KIAA0319L: variants seen among roughly 807,000 people sequenced by gnomAD.
The protein encoded by KIAA0319L is dyslexia-associated protein KIAA0319-like protein.
KIAA0319L carries 55 observed loss-of-function variants against 120.1 expected under a neutral mutation model. The ratio of observed to expected loss-of-function variants is 0.46; its 90% CI spans 0.37 to 0.57. The LOEUF (loss-of-function observed/expected upper bound fraction) is 0.57. KIAA0319L is among the 20% of genes least tolerant of loss of function. The pLI, the probability that KIAA0319L is intolerant of heterozygous loss-of-function variation, is 0.00. For missense variants in KIAA0319L, 1,049 were observed against 1,255.3 expected (o/e 0.84, Z 2.48); for synonymous variants, 398 against 471.9 (o/e 0.84, Z 2.03).
At chr1:35,479,908 G>GA (rs754129720) in intron 3 of KIAA0319L, among the ~76,000 whole-genome samples, 20 of 8,134 alleles carry the variant, frequency 2.5e-3, no homozygotes, top group Admixed American at 7.2e-3. Flanking sequence ...GTCTCAAAAA[G>GA]AAAAAAAAAA....
intron 2 of KIAA0319L, among the ~76,000 whole-genome samples, chr1:35,508,226 G>A (rs1645280371): frequency 6.6e-6 from 1 of 152,212 alleles, no homozygotes; most frequent in Non-Finnish European, 1.5e-5. Context: ...TTTAAATTCT[G>A]TGTTCTGGGC....
chr1:35,477,955 T>C (rs1643974320), intron 4 of KIAA0319L, among the ~76,000 whole-genome samples: 2 of 152,206 alleles, frequency 1.3e-5, no homozygotes, highest in African/African-American at 4.8e-5. Context: ...TGCACTCCCA[T>C]GTTTGCAGCA....
intron 2 of KIAA0319L, among the ~76,000 whole-genome samples, chr1:35,520,266 A>T (rs530124099): frequency 6.6e-6 from 1 of 151,562 alleles, no homozygotes; most frequent in South Asian, 2.1e-4. Flanking sequence ...CGCCTGGCTA[A>T]TTTTTGTATT....
At chr1:35,518,881 G>A (rs1334448821) in intron 2 of KIAA0319L, among the ~76,000 whole-genome samples, 2 of 150,152 alleles carry the variant, frequency 1.3e-5, no homozygotes, top group African/African-American at 4.9e-5. Flanking sequence ...GTGGGCACCT[G>A]TAATCCCAGC....
rs745744875 is a variant in KIAA0319L, at chr1:35,449,896, G to A, written c.2324C>T (p.Thr775Ile). Reference sequence around the variant, plus strand: ...TTTCACCTCCACAGTGGTCCGGTCTGTGTCACTCTCACCCTTTGCATCGGT... The same window carrying A: ...TTTCACCTCCACAGTGGTCCGGTCTATGTCACTCTCACCCTTTGCATCGGT... ...KVTDAKGESD[T>I]DRTTVEVKPD... is the part of the protein sequence containing the mutation. Residue 775 changes from threonine (T) to isoleucine (I), a missense_variant, in exon 15 of 21, where the codon ACA becomes ATA. Coordinates refer to ENST00000325722, the MANE Select transcript of KIAA0319L (RefSeq NM_024874.5). 6.8e-6 allele frequency: 11 copies of A among 1,614,062 alleles called. No individual in the cohort carries two copies. The Admixed American group carries it at 1.8e-4, about 27-fold the overall frequency.
chr1:35,494,571 G>A (rs1644725834), intron 3 of KIAA0319L, among the ~76,000 whole-genome samples: 1 of 151,996 alleles, frequency 6.6e-6, no homozygotes, highest in South Asian at 2.1e-4. Flanking sequence ...GAGGTAGGTG[G>A]ATTGCTTGAG....
chr1:35,482,878 T>G (rs891617625), intron 3 of KIAA0319L, among the ~76,000 whole-genome samples: 1 of 152,248 alleles, frequency 6.6e-6, no homozygotes, highest in African/African-American at 2.4e-5. Flanking sequence ...CCACCACCAG[T>G]GTATTTCAGT....
chr1:35,495,740 C>A (rs1192797191), intron 3 of KIAA0319L, among the ~76,000 whole-genome samples: 1 of 151,854 alleles, frequency 6.6e-6, no homozygotes, highest in Non-Finnish European at 1.5e-5. Context: ...GCAGCCTCAA[C>A]CTCCCAGGCT....
At position 35,441,149 on chromosome 1, in the gene KIAA0319L, C is replaced by A; in HGVS notation, c.2871-11G>T. On this transcript the variant is annotated splice_polypyrimidine_tract_variant and intron_variant, in intron 19 of 20. Transcript: ENST00000325722. The stretch of plus-strand genomic sequence containing the variant: ...GGTTTTCCTTTTTGCCTAAAAAACA[C>A]AACCCCCACCCCTGCTCAGGAAAGA... 2 of 1,610,610 alleles carry A rather than the reference C, an allele frequency of 1.2e-6. No homozygotes were observed. Among genetic ancestry groups the A allele is most frequent in the Non-Finnish European group, 8.5e-7 (1 of 1,176,788 alleles).
At chr1:35,488,780 G>T (rs1020258314) in intron 3 of KIAA0319L, among the ~76,000 whole-genome samples, 2 of 152,152 alleles carry the variant, frequency 1.3e-5, no homozygotes, top group Non-Finnish European at 2.9e-5. Context: ...TGCAGATGGG[G>T]CCAATCAAAT....
At position 35,557,378 on chromosome 1, in the gene KIAA0319L, C is replaced by G. The variant is rs1284791563; in HGVS notation, c.-200G>C. 3.2e-6 allele frequency: 1 copy of G among 317,450 alleles called. No individual in the cohort carries two copies. The highest frequency in any genetic ancestry group is 6.2e-6 in the Non-Finnish European group (1 of 162,210). The allele number at this position is 317,450 out of a possible 1,614,324, so 19.7% of individuals were successfully genotyped here. A position where few individuals can be genotyped will look rare whatever the true frequency, so the allele number is the denominator to read the frequency against. On this transcript the variant is annotated 5_prime_UTR_variant, in exon 1 of 21. Coordinates refer to ENST00000325722, the MANE Select transcript of KIAA0319L (RefSeq NM_024874.5). ...GACAGCTACCTCTCGCCTCAGCCTC[C>G]CTGGACAGCGACGGCGGCCGGAAAC...
intron 16 of KIAA0319L, among the ~76,000 whole-genome samples, chr1:35,444,902 T>C (rs1641505691): frequency 6.6e-6 from 1 of 152,222 alleles, no homozygotes; most frequent in South Asian, 2.1e-4. Flanking sequence ...AGAATCTGTT[T>C]GCTGATTGTC....
In KIAA0319L at chr1:35,453,774, C is replaced by T. The variant is rs1301568083; in HGVS notation, c.1781-85G>A. On this transcript the variant is annotated intron_variant, in intron 11 of 20. Transcript: ENST00000325722. This position sits in a 1 kb window ranked among gnomAD's most constrained non-coding sequence, Gnocchi z 4.1. ...CAATTGGGACACATGTTCTGGAAGC[C>T]ATGGACTCTGCCTCTCAGGCCACAG... 4 of 1,380,256 alleles carry T rather than the reference C, an allele frequency of 2.9e-6. No homozygotes were observed. The highest frequency in any genetic ancestry group is 2.9e-5 in the African/African-American group (2 of 68,650). The allele number at this position is 1,380,256 out of a possible 1,614,324, so 85.5% of individuals were successfully genotyped here. A position where few individuals can be genotyped will look rare whatever the true frequency, so the allele number is the denominator to read the frequency against.
At chr1:35,520,839 C>A (rs1367727380) in intron 2 of KIAA0319L, among the ~76,000 whole-genome samples, 1 of 152,058 alleles carries the variant, frequency 6.6e-6, no homozygotes, top group African/African-American at 2.4e-5. Flanking sequence ...GATTAAAAGA[C>A]AATAAATATG....
intron 2 of KIAA0319L, among the ~76,000 whole-genome samples, chr1:35,544,964 G>A (rs1443757123): frequency 3.3e-5 from 5 of 152,130 alleles, no homozygotes; most frequent in Admixed American, 1.3e-4. Flanking sequence ...ATAGGAAGCC[G>A]GAACCCAAAC....
intron 2 of KIAA0319L, among the ~76,000 whole-genome samples, chr1:35,537,518 T>A (rs1187366894): frequency 1.3e-5 from 2 of 149,144 alleles, no homozygotes; most frequent in African/African-American, 5.0e-5. Flanking sequence ...TAGCTAGCCA[T>A]GAAGTGTTAT....
intron 2 of KIAA0319L, among the ~76,000 whole-genome samples, chr1:35,547,646 C>T (rs527857199): frequency 7.0e-4 from 107 of 152,194 alleles, no homozygotes; most frequent in African/African-American, 2.4e-3. Flanking sequence ...CAAAAGGCCA[C>T]GTATTGTACG....
chr1:35,510,649 C>A (rs924616754), intron 2 of KIAA0319L: 1 of 151,734 alleles, frequency 6.6e-6, no homozygotes, highest in Non-Finnish European at 1.5e-5. Context: ...CACTCTATTG[C>A]CCAGGCTGGA....
chr1:35,466,693 G>A lies in KIAA0319L; in HGVS notation c.1116C>T (p.Leu372=). The stretch of plus-strand genomic sequence containing the variant: ...CTTTGAATTCATACAGGCCTGGAGT[G>A]AGCTGCAGAAGTGAGAGAAGATCTC... The part of the protein sequence containing the change: ...KHSQILKLSK[L]TPGLYEFKVI... The change falls in exon 7 of 21, where the codon CTC becomes CTT. Residue 372 remains leucine (L), a splice_region_variant and synonymous_variant. Coordinates refer to ENST00000325722, the MANE Select transcript of KIAA0319L (RefSeq NM_024874.5). 6.2e-7 allele frequency: 1 copy of A among 1,605,444 alleles called. No individual in the cohort carries two copies. Among genetic ancestry groups the A allele is most frequent in the Non-Finnish European group, 8.5e-7 (1 of 1,172,388 alleles).
Sources: allele counts gnomAD v4.1 joint callset (sites outside exome capture counted in the v4.1 genomes callset), GRCh38; gene constraint gnomAD v4.1.1; non-coding constraint Gnocchi (gnomAD v3.1); transcripts MANE v1.5; gene names NCBI Gene and HGNC (gene_info 2026-07-23, HGNC 2026-07-21).